ATP6V0D1: variants seen among roughly 807,000 people sequenced by gnomAD.
The protein encoded by ATP6V0D1 is V-type proton ATPase subunit d 1.
ATP6V0D1 carries 13 observed loss-of-function variants against 39.0 expected under a neutral mutation model. The observed-to-expected ratio is 0.33, with a 90% CI of 0.22 to 0.53. ATP6V0D1 has a LOEUF of 0.53. ATP6V0D1 is among the 20% of genes least tolerant of loss of function. The pLI, the probability that ATP6V0D1 is intolerant of heterozygous loss-of-function variation, is 0.94. For synonymous variants in ATP6V0D1, 191 were observed against 191.2 expected, an observed-to-expected ratio of 1.00 and a Z score of 0.01; for missense variants, 272 against 470.9, an observed-to-expected ratio of 0.58 and a Z score of 3.91.
chr16:67,463,464 A>C (rs2041305161), intron 1 of ATP6V0D1, among the ~76,000 whole-genome samples: 1 of 152,096 alleles, frequency 6.6e-6, no homozygotes, highest in African/African-American at 2.4e-5. Context: ...CCAGGAGGTC[A>C]AGACTGCAGT....
rs2041088986 is a variant in ATP6V0D1, at chr16:67,444,247, C to G, written c.481+281G>C. 6.6e-6 allele frequency among the ~76,000 whole-genome samples: 1 copy of G among 152,226 alleles called. No homozygotes were observed. The highest frequency in any genetic ancestry group is 2.4e-5 in the African/African-American group (1 of 41,464). Reference sequence around the variant, plus strand: ...CACTCTTCTCCATGAGCTCAGCCCTCCTCTGCACTCTGGGAGATCAGACTG... The same window carrying G: ...CACTCTTCTCCATGAGCTCAGCCCTGCTCTGCACTCTGGGAGATCAGACTG... On this transcript the variant is annotated intron_variant, in intron 3 of 7. Transcript: ENST00000290949. The surrounding 1 kb of genome is among the most constrained non-coding windows in gnomAD (Gnocchi z 4.8).
At chr16:67,460,335 C>A (rs2041279278) in intron 1 of ATP6V0D1, among the ~76,000 whole-genome samples, 1 of 152,326 alleles carries the variant, frequency 6.6e-6, no homozygotes, top group East Asian at 1.9e-4. Flanking sequence ...CCCTGCCCCT[C>A]CTCGGTGAAT....
chr16:67,480,448 G>A (rs947888539), intron 1 of ATP6V0D1, among the ~76,000 whole-genome samples: 1 of 152,122 alleles, frequency 6.6e-6, no homozygotes, highest in Non-Finnish European at 1.5e-5. Flanking sequence ...AGAGTTGGGA[G>A]AAAACCCTCG....
At chr16:67,443,407 G>A (rs982994273) in intron 3 of ATP6V0D1, 3 of 542,448 alleles carry the variant, frequency 5.5e-6, no homozygotes, top group Non-Finnish European at 9.9e-6. Context: ...GATTTATAAA[G>A]GAGGCAGCTA....
intron 3 of ATP6V0D1, among the ~76,000 whole-genome samples, chr16:67,443,987 G>T (rs1013498340): frequency 6.6e-6 from 1 of 152,248 alleles, no homozygotes; most frequent in African/African-American, 2.4e-5. Context: ...AACTAGCACT[G>T]CCTAAGCAGG....
At chr16:67,463,583 A>G (rs1413190722) in intron 1 of ATP6V0D1, among the ~76,000 whole-genome samples, 2 of 152,110 alleles carry the variant, frequency 1.3e-5, no homozygotes, top group African/African-American at 2.4e-5. Flanking sequence ...GGGAAAAAAA[A>G]AAAGAAAGAA....
intron 1 of ATP6V0D1, among the ~76,000 whole-genome samples, chr16:67,468,507 G>C (rs1199276193): frequency 6.6e-6 from 1 of 151,550 alleles, no homozygotes; most frequent in Non-Finnish European, 1.5e-5. Context: ...AGGATTGCTT[G>C]AGCCTGGGAG....
Position 67,471,670 on chromosome 16 carries a change from T to A in ATP6V0D1, c.130+9287A>T, listed in dbSNP as rs559609559. Among the ~76,000 whole-genome samples, 5 of 152,020 alleles carry A rather than the reference T, an allele frequency of 3.3e-5. No homozygotes were observed. In the East Asian group the frequency reaches 9.7e-4, roughly 29 times the overall value. On this transcript the variant is annotated intron_variant, in intron 1 of 7. Transcript: ENST00000290949. ...GAGCAAGTTTCTTTTTTAAAAAAAATTATTATTAATTTTTTTTTTGAGACG... is the reference window on the plus strand; with the variant it reads ...GAGCAAGTTTCTTTTTTAAAAAAAAATATTATTAATTTTTTTTTTGAGACG...
chr16:67,445,469 G>C (rs891827077), intron 2 of ATP6V0D1, among the ~76,000 whole-genome samples: 3 of 152,184 alleles, frequency 2.0e-5, no homozygotes, highest in African/African-American at 4.8e-5. Flanking sequence ...AGCCAGTGGG[G>C]GTTCTCTGGA....
chr16:67,450,610 T>C (rs1299516055), intron 2 of ATP6V0D1, among the ~76,000 whole-genome samples: 1 of 152,128 alleles, frequency 6.6e-6, no homozygotes, highest in Admixed American at 6.5e-5. Flanking sequence ...AGGGGTGGCT[T>C]TAGCCAGGGC....
chr16:67,473,255 A>G (rs2041389297), intron 1 of ATP6V0D1, among the ~76,000 whole-genome samples: 1 of 152,152 alleles, frequency 6.6e-6, no homozygotes. Flanking sequence ...TTACTGAGAT[A>G]TAATTCATTT....
intron 1 of ATP6V0D1, among the ~76,000 whole-genome samples, chr16:67,465,450 T>C (rs1259079661): frequency 1.3e-5 from 2 of 152,168 alleles, no homozygotes; most frequent in Non-Finnish European, 2.9e-5. Context: ...GAGGCCAGGG[T>C]GGCAAGACAA....
Position 67,444,405 on chromosome 16 carries a change from A to T in ATP6V0D1, c.481+123T>A, listed in dbSNP as rs2041090531. The T allele has an allele frequency of 7.0e-6, 7 of 1,000,720 alleles. No individual in the cohort carries two copies. 62.0% of individuals were successfully genotyped at this position (1,000,720 alleles called of 1,614,324 possible). ...AGGAAGTTGAAGGGAGACAAAGGTA[A>T]GCAGCAGTGGGCAGGTCTCACTTTC... is the stretch of plus-strand genomic sequence containing the variant. On this transcript the variant is annotated intron_variant, in intron 3 of 7. Coordinates refer to ENST00000290949, the MANE Select transcript of ATP6V0D1 (RefSeq NM_004691.5). The surrounding 1 kb of genome is among the most constrained non-coding windows in gnomAD (Gnocchi z 4.8).
chr16:67,456,369 T>C lies in ATP6V0D1; in HGVS notation c.131-2654A>G, dbSNP rs1597577012. 3 of 152,362 alleles carry C rather than the reference T, an allele frequency of 2.0e-5. No individual in the cohort carries two copies. In the South Asian group the frequency reaches 6.2e-4, roughly 32 times the overall value. 9.4% of individuals were successfully genotyped at this position (152,362 alleles called of 1,614,324 possible). ...ATGCCCCTGATGTGGTTTTTGTGGA[T>C]GTGAAATGGTAAGAATATTAACTGG... On this transcript the variant is annotated intron_variant, in intron 1 of 7. Transcript: ENST00000290949. This position sits in a 1 kb window ranked among gnomAD's most constrained non-coding sequence, Gnocchi z 4.1.
chr16:67,442,408 A>G (rs1299044279), intron 4 of ATP6V0D1, among the ~76,000 whole-genome samples: 1 of 150,388 alleles, frequency 6.6e-6, no homozygotes, highest in Admixed American at 6.6e-5. Flanking sequence ...CCGCAGCCAG[A>G]GCAGAGTCTA....
chr16:67,444,511 C>T lies in ATP6V0D1; in HGVS notation c.481+17G>A. 1 of 1,577,382 alleles carries T rather than the reference C, an allele frequency of 6.3e-7. No individual in the cohort carries two copies. Among genetic ancestry groups the T allele is most frequent in the Non-Finnish European group, 8.7e-7 (1 of 1,153,832 alleles). On this transcript the variant is annotated intron_variant, in intron 3 of 7. Coordinates refer to ENST00000290949, the MANE Select transcript of ATP6V0D1 (RefSeq NM_004691.5). This position sits in a 1 kb window ranked among gnomAD's most constrained non-coding sequence, Gnocchi z 4.8. ...TGACACCACTGCCCACCTCCCATGA[C>T]CACCACAGCGGCTCACCAAGAGGCG...
chr16:67,453,393 T>G lies in ATP6V0D1; in HGVS notation c.302+151A>C. The G allele has an allele frequency of 1.1e-6, 1 of 897,148 alleles. No homozygotes were observed. The highest frequency in any genetic ancestry group is 1.7e-6 in the Non-Finnish European group (1 of 584,248). The allele number at this position is 897,148 out of a possible 1,614,324, so 55.6% of individuals were successfully genotyped here. A position where few individuals can be genotyped will look rare whatever the true frequency, so the allele number is the denominator to read the frequency against. ...GTCAGGGAGGACTCTGAAGGTAGGG[T>G]CCTGGGACACCTGGCCTGACAGAGC... On this transcript the variant is annotated intron_variant, in intron 2 of 7. Coordinates refer to ENST00000290949, the MANE Select transcript of ATP6V0D1 (RefSeq NM_004691.5). This position sits in a 1 kb window ranked among gnomAD's most constrained non-coding sequence, Gnocchi z 4.1.
chr16:67,460,075 T>A (rs1003437360), intron 1 of ATP6V0D1, among the ~76,000 whole-genome samples: 5 of 152,238 alleles, frequency 3.3e-5, no homozygotes, highest in African/African-American at 1.2e-4. Context: ...GCCCACTGAA[T>A]GGAACCAGAT....
intron 4 of ATP6V0D1, chr16:67,440,826 G>A (rs569524926): frequency 2.0e-5 from 3 of 152,434 alleles, no homozygotes; most frequent in African/African-American, 4.8e-5. Context: ...TAAGAAGCCT[G>A]GAAAAGAGGG....
Sources: gnomAD v4.1 joint callset for allele counts (sites outside exome capture counted in the v4.1 genomes callset) on GRCh38, gnomAD v4.1.1 for gene constraint, Gnocchi (gnomAD v3.1) non-coding constraint, MANE v1.5 for transcripts, NCBI Gene and HGNC (gene_info 2026-07-23, HGNC 2026-07-21) for gene names.